CAPRIN1: variants seen among roughly 807,000 people sequenced by gnomAD.
CAPRIN1 encodes the protein caprin-1.
A neutral mutation model predicts 100.9 loss-of-function variants in CAPRIN1; 29 were observed. The ratio of observed to expected loss-of-function variants is 0.29; its 90% confidence interval spans 0.21 to 0.39. CAPRIN1 has a LOEUF of 0.39. Among genes scored for constraint, CAPRIN1 ranks in the 10% least tolerant of loss-of-function variants. The pLI, the probability that CAPRIN1 is intolerant of heterozygous loss-of-function variation, is 1.00. For missense variants in CAPRIN1, 795 were observed against 876.7 expected (o/e 0.91, Z 1.18); for synonymous variants, 338 against 307.5 (o/e 1.10, Z -1.04).
intron 18 of CAPRIN1, chr11:34,098,718 G>C: frequency 1.0e-6 from 1 of 985,294 alleles, no homozygotes; most frequent in Non-Finnish European, 1.2e-6. Flanking sequence ...TTCCCACCTT[G>C]TAGCATATTC....
At chr11:34,090,455 T>G (rs1851239972) in intron 13 of CAPRIN1, 74 bp from the exon 14 acceptor site, 1 of 1,509,562 alleles carries the variant, frequency 6.6e-7, no homozygotes, top group African/African-American at 1.4e-5. Context: ...TTTACCACTT[T>G]AGTACATCTG....
At chr11:34,056,343 CAA>C (rs1409458557) in intron 2 of CAPRIN1, 2 of 152,002 alleles carry the variant, frequency 1.3e-5, no homozygotes, top group Non-Finnish European at 2.9e-5. Flanking sequence ...CTTTAAAAAA[CAA>C]AGTTGTTTAT....
chr11:34,064,483 A>C, intron 2 of CAPRIN1, among the ~76,000 whole-genome samples: 1 of 152,202 alleles, frequency 6.6e-6, no homozygotes, highest in Non-Finnish European at 1.5e-5. Context: ...GTATTTGGAG[A>C]AGTGCAGATA....
intron 11 of CAPRIN1, among the ~76,000 whole-genome samples, chr11:34,088,335 T>C (rs1307075588): frequency 6.6e-6 from 1 of 152,110 alleles, no homozygotes; most frequent in Non-Finnish European, 1.5e-5. Flanking sequence ...TCTTTTTCTC[T>C]AGAAACACTT....
chr11:34,085,342 T>G (rs561063763), intron 9 of CAPRIN1, among the ~76,000 whole-genome samples: 3 of 152,214 alleles, frequency 2.0e-5, no homozygotes, highest in Non-Finnish European at 4.4e-5. Context: ...CAAATCTTGA[T>G]GATAATAATA....
At chr11:34,054,616 A>G (rs1206933949) in intron 2 of CAPRIN1, among the ~76,000 whole-genome samples, 1 of 151,948 alleles carries the variant, frequency 6.6e-6, no homozygotes, top group East Asian at 1.9e-4. Context: ...TTTAGTAGAG[A>G]CAGGGTTTCA....
chr11:34,079,704 G>A lies in CAPRIN1; in HGVS notation c.765G>A (p.Gly255=), dbSNP rs1850974058. Residue 255 remains glycine, a synonymous_variant, in exon 7 of 19, where the codon GGG becomes GGA. Coordinates refer to ENST00000341394, the MANE Select transcript of CAPRIN1 (RefSeq NM_005898.5). ...ACAGCACCCACAACCACCAGAATGG[G>A]CTGTGTGAGGAAGAAGAGGCAGCCT... The part of the protein sequence containing the change: ...YFDSTHNHQN[G]LCEEEEAASA... The A allele has an allele frequency of 6.2e-7, 1 of 1,613,960 alleles. No homozygotes were observed. The highest frequency in any genetic ancestry group is 1.7e-5 in the Admixed American group (1 of 59,996).
intron 2 of CAPRIN1, among the ~76,000 whole-genome samples, chr11:34,062,245 A>G (rs1240301577): frequency 5.3e-5 from 8 of 152,204 alleles, no homozygotes; most frequent in Admixed American, 5.2e-4. Context: ...GCTGCCTACC[A>G]TTGTGGGCAA....
chr11:34,069,699 G>T (rs144187140), intron 2 of CAPRIN1, among the ~76,000 whole-genome samples: 1 of 151,712 alleles, frequency 6.6e-6, no homozygotes, highest in African/African-American at 2.4e-5. Context: ...TTTTATACCT[G>T]TTTATTTGGA....
chr11:34,090,215 G>GCATCTCAAC lies in CAPRIN1; in HGVS notation c.1332_1340dup (p.Ser445_Pro447dup). 3 of 1,613,708 alleles carry GCATCTCAAC rather than the reference G, an allele frequency of 1.9e-6. No individual in the cohort carries two copies. The highest frequency in any genetic ancestry group is 2.5e-6 in the Non-Finnish European group (3 of 1,179,708). ...ATCATCCACAAGTGAGGGGTACACAGCATCTCAACCCTTGTACCAGCCTTC... is the reference window on the plus strand; with the variant it reads ...ATCATCCACAAGTGAGGGGTACACAGCATCTCAACCATCTCAACCCTTGTACCAGCCTTC... On this transcript the variant is annotated inframe_insertion, in exon 13 of 19. Coordinates refer to ENST00000341394, the MANE Select transcript of CAPRIN1 (RefSeq NM_005898.5).
At chr11:34,052,366 C>T (rs1457969818) in intron 1 of CAPRIN1, 55 bp from the exon 2 acceptor site, 9 of 1,433,620 alleles carry the variant, frequency 6.3e-6, no homozygotes, top group Admixed American at 5.5e-5. Flanking sequence ...CGTCTCCTGA[C>T]TGGCCGCTCT....
At chr11:34,094,207 C>T (rs1358047795) in intron 15 of CAPRIN1, among the ~76,000 whole-genome samples, 4 of 151,932 alleles carry the variant, frequency 2.6e-5, no homozygotes, top group South Asian at 2.1e-4. Context: ...GATGCAGTCT[C>T]GGCTCACTGC....
chr11:34,076,677 T>A, intron 6 of CAPRIN1, 35 bp downstream of exon 6: 1 of 1,363,660 alleles, frequency 7.3e-7, no homozygotes, highest in Non-Finnish European at 1.0e-6. Flanking sequence ...ATTTTATAAC[T>A]AGGAATCTTT....
At chr11:34,096,737 A>G (rs1851374436) in intron 16 of CAPRIN1, 64 bp downstream of exon 16, 1 of 1,267,214 alleles carries the variant, frequency 7.9e-7, no homozygotes, top group Admixed American at 2.3e-5. Context: ...TTTGATTTGT[A>G]AAATATATCA....
chr11:34,056,952 C>T (rs1850463697), intron 2 of CAPRIN1, among the ~76,000 whole-genome samples: 2 of 152,172 alleles, frequency 1.3e-5, no homozygotes, highest in Non-Finnish European at 2.9e-5. Context: ...TGCACTTCAT[C>T]TTTGCAGTTA....
At chr11:34,059,071 T>G (rs1246819936) in intron 2 of CAPRIN1, among the ~76,000 whole-genome samples, 4 of 152,182 alleles carry the variant, frequency 2.6e-5, no homozygotes, top group Non-Finnish European at 4.4e-5. Context: ...ATTTCTTTCT[T>G]TCACTAGCTC....
intron 9 of CAPRIN1, among the ~76,000 whole-genome samples, chr11:34,085,347 A>G (rs933487198): frequency 3.9e-5 from 6 of 152,232 alleles, no homozygotes; most frequent in African/African-American, 1.2e-4. Flanking sequence ...CTTGATGATA[A>G]TAATAGCTAA....
At chr11:34,068,842 G>GT (rs755716603) in intron 2 of CAPRIN1, among the ~76,000 whole-genome samples, 21 of 152,058 alleles carry the variant, frequency 1.4e-4, no homozygotes, top group Non-Finnish European at 2.8e-4. Context: ...TTTTTTAGGA[G>GT]TTTGATTCTA....
intron 2 of CAPRIN1, among the ~76,000 whole-genome samples, chr11:34,055,094 T>C (rs1358262335): frequency 6.6e-6 from 1 of 152,224 alleles, no homozygotes; most frequent in Non-Finnish European, 1.5e-5. Flanking sequence ...GGTCATTAAA[T>C]GTGTATAGGT....
Sources: allele counts gnomAD v4.1 joint callset (sites outside exome capture counted in the v4.1 genomes callset), GRCh38; gene constraint gnomAD v4.1.1; transcripts MANE v1.5; gene names NCBI Gene and HGNC (gene_info 2026-07-23, HGNC 2026-07-21).